The following KITLG variants were observed in gnomAD, a reference collection of about 807,000 sequenced individuals.
The protein encoded by KITLG is c-Kit ligand.
A neutral mutation model predicts 34.1 loss-of-function variants in KITLG; 13 were observed. The observed-to-expected ratio is 0.38, with a 90% CI of 0.25 to 0.61. The LOEUF is 0.61. Among genes scored for constraint, KITLG ranks in the 20% least tolerant of loss-of-function variants. The pLI, the probability that KITLG is intolerant of heterozygous loss-of-function variation, is 0.60. For missense variants in KITLG, 292 were observed against 318.9 expected (o/e 0.92, Z 0.64); for synonymous variants, 110 against 104.0 (o/e 1.06, Z -0.35).
chr12:88,553,812 T>C (rs1338611196), intron 1 of KITLG, among the ~76,000 whole-genome samples: 2 of 152,216 alleles, frequency 1.3e-5, no homozygotes, highest in African/African-American at 4.8e-5. Context: ...TAATACTGAC[T>C]AAAATTTATG....
rs1870135018 is a variant in KITLG, at chr12:88,532,499, G to C, written c.134C>G (p.Ala45Gly). ...NNVKDVTKLV[A>G]NLPKDYMITL... ...TATCATGTAGTCTTTTGGAAGATTT[G>C]CCACCTACAGAGACAAAAAAAAAAA... The change falls in exon 3 of 10, where the codon GCA becomes GGA. Residue 45 changes from alanine to glycine, a missense_variant. Physicochemically the swap from Ala to Gly is moderately conservative, Grantham distance 60. This residue lies in a region of KITLG where 152 missense variants were observed against 207.9 expected (regional missense o/e 0.73). Coordinates refer to ENST00000644744, the MANE Select transcript of KITLG (RefSeq NM_000899.5). 4 of 1,605,120 alleles carry C rather than the reference G, an allele frequency of 2.5e-6. No homozygotes were observed. The East Asian group carries it at 8.9e-5, about 36-fold the overall frequency.
chr12:88,547,958 G>C (rs563612516), intron 1 of KITLG, among the ~76,000 whole-genome samples: 7 of 152,228 alleles, frequency 4.6e-5, no homozygotes, highest in Admixed American at 3.3e-4. Context: ...AAGTAACTAG[G>C]TTATACAGTA....
chr12:88,503,375 C>T (rs1868938602), intron 9 of KITLG, among the ~76,000 whole-genome samples: 1 of 152,074 alleles, frequency 6.6e-6, no homozygotes. Context: ...AGGGCAGTGA[C>T]TTGCAGGGTA....
At chr12:88,500,931 C>T (rs1455446156) in intron 9 of KITLG, among the ~76,000 whole-genome samples, 4 of 152,016 alleles carry the variant, frequency 2.6e-5, no homozygotes, top group Non-Finnish European at 4.4e-5. Context: ...AGGTGCATAC[C>T]ACTATGCCCA....
intron 3 of KITLG, among the ~76,000 whole-genome samples, chr12:88,527,239 T>C (rs1869907658): frequency 6.6e-6 from 1 of 152,156 alleles, no homozygotes; most frequent in Admixed American, 6.6e-5. Flanking sequence ...CAAAAAGCCA[T>C]TCAATGAATA....
rs946543427 is a variant in KITLG at position 88,578,684 on chromosome 12, T to G, written c.15+1580A>C. Among the ~76,000 whole-genome samples, 7 of 152,170 alleles carry G rather than the reference T, an allele frequency of 4.6e-5. No homozygotes were observed. The South Asian group carries it at 1.5e-3, about 32-fold the overall frequency. On this transcript the variant is annotated intron_variant, in intron 1 of 9. Coordinates refer to ENST00000644744, the MANE Select transcript of KITLG (RefSeq NM_000899.5). ...TCCCCTGGCTTTGGAGTGTTGGACA[T>G]TAACCTTATCTGTCTCCTGTGTTCT...
intron 1 of KITLG, among the ~76,000 whole-genome samples, chr12:88,557,238 C>A (rs1213508821): frequency 6.6e-6 from 1 of 152,008 alleles, no homozygotes; most frequent in African/African-American, 2.4e-5. Context: ...GAAGTTTTGA[C>A]CCTGTGTAAA....
At chr12:88,507,356 C>G (rs992898534) in intron 6 of KITLG, among the ~76,000 whole-genome samples, 7 of 152,204 alleles carry the variant, frequency 4.6e-5, no homozygotes, top group Admixed American at 2.0e-4. Context: ...AAAGAAATCA[C>G]AGAGACAGAA....
chr12:88,510,512 A>G lies in KITLG; in HGVS notation c.605-3375T>C, dbSNP rs114218635. On this transcript the variant is annotated intron_variant, in intron 6 of 9. Coordinates refer to ENST00000644744, the MANE Select transcript of KITLG (RefSeq NM_000899.5). ...AACTTGACTGGTATATGAGTCCAGG[A>G]AGGTTGGGTCAAGACTATTTCTAGA... Among the ~76,000 whole-genome samples the G allele has an allele frequency of 3.1e-3, 467 of 152,304 alleles. 5 individuals carry two copies. The highest frequency in any genetic ancestry group is 0.01 in the African/African-American group (434 of 41,576).
At chr12:88,504,328 T>C (rs1477258105) in intron 9 of KITLG, among the ~76,000 whole-genome samples, 2 of 152,130 alleles carry the variant, frequency 1.3e-5, no homozygotes, top group African/African-American at 4.8e-5. Context: ...TTGCTAAATA[T>C]TTCAGTTTGA....
chr12:88,537,325 A>T (rs1870362126), intron 2 of KITLG, among the ~76,000 whole-genome samples: 1 of 152,152 alleles, frequency 6.6e-6, no homozygotes, highest in Admixed American at 6.6e-5. Flanking sequence ...TGTCTTTCGC[A>T]GGAATATGGA....
At chr12:88,578,401 G>A (rs902388845) in intron 1 of KITLG, among the ~76,000 whole-genome samples, 2 of 152,160 alleles carry the variant, frequency 1.3e-5, no homozygotes, top group South Asian at 4.1e-4. Context: ...ATGTGTGACC[G>A]AACAGGTCAC....
chr12:88,493,583 C>A lies in KITLG; in HGVS notation c.*3636G>T, dbSNP rs1868490299. ...AGATAAGCTGGTTTACTTTAGATTT[C>A]TTATCCCACTTTCCAATTTTAAAGT... On this transcript the variant is annotated 3_prime_UTR_variant, in exon 10 of 10. Transcript: ENST00000644744. The A allele has an allele frequency of 6.6e-6, 1 of 151,844 alleles. No homozygotes were observed. The highest frequency in any genetic ancestry group is 1.5e-5 in the Non-Finnish European group (1 of 67,832). 9.4% of individuals were successfully genotyped at this position (151,844 alleles called of 1,614,324 possible).
At chr12:88,540,856 A>G (rs889637378) in intron 2 of KITLG, among the ~76,000 whole-genome samples, 2 of 152,174 alleles carry the variant, frequency 1.3e-5, no homozygotes, top group African/African-American at 4.8e-5. Context: ...TCTGCTGACC[A>G]CAGGAGCAGA....
intron 3 of KITLG, among the ~76,000 whole-genome samples, chr12:88,527,338 C>G (rs1869911617): frequency 6.6e-6 from 1 of 152,100 alleles, no homozygotes; most frequent in Non-Finnish European, 1.5e-5. Flanking sequence ...ATAATAAATC[C>G]TCAGGTATCA....
intron 2 of KITLG, chr12:88,534,831 C>T (rs946579523): frequency 5.5e-6 from 2 of 363,718 alleles, no homozygotes; most frequent in Admixed American, 8.3e-5. Context: ...TCATCCTCAT[C>T]TTTGAAAGGA....
chr12:88,578,258 T>TA (rs1323974846), intron 1 of KITLG, among the ~76,000 whole-genome samples: 21 of 151,934 alleles, frequency 1.4e-4, no homozygotes, highest in Admixed American at 5.2e-4. Flanking sequence ...GAAGTATTCT[T>TA]AAAAAAAACC....
In KITLG at chr12:88,532,213, A is replaced by C. The variant is rs139271610; in HGVS notation, c.192+228T>G. 5.3e-5 allele frequency among the ~76,000 whole-genome samples: 8 copies of C among 152,162 alleles called. No individual in the cohort carries two copies. In the East Asian group the frequency reaches 1.5e-3, roughly 29 times the overall value. On this transcript the variant is annotated intron_variant, in intron 3 of 9. Transcript: ENST00000644744. ...AACCAATTTCCTAAGGATAGTGAAGAACAACTATACAGGTCTAGGATATAT... is the reference window on the plus strand; with the variant it reads ...AACCAATTTCCTAAGGATAGTGAAGCACAACTATACAGGTCTAGGATATAT...
At chr12:88,498,708 C>T (rs1342186948) in intron 9 of KITLG, among the ~76,000 whole-genome samples, 1 of 152,110 alleles carries the variant, frequency 6.6e-6, no homozygotes, top group East Asian at 1.9e-4. Context: ...AACCCTGTCT[C>T]TACTAAAAAT....
Sources: gnomAD v4.1 joint callset for allele counts (sites outside exome capture counted in the v4.1 genomes callset) on GRCh38, gnomAD v4.1.1 for gene constraint, gnomAD v4.1.1 regional missense constraint, MANE v1.5 for transcripts, NCBI Gene and HGNC (gene_info 2026-07-23, HGNC 2026-07-21) for gene names.